KANK1: variants seen among roughly 807,000 people sequenced by gnomAD.
The protein encoded by KANK1 is KN motif and ankyrin repeat domains 1, also known as KN motif and ankyrin repeat domain-containing protein 1.
A neutral mutation model predicts 106.2 loss-of-function variants in KANK1; 109 were observed. The ratio of observed to expected loss-of-function variants is 1.03; its 90% CI spans 0.88 to 1.20. The LOEUF is 1.20. Ranked by LOEUF, KANK1 falls within the 50% of genes most tolerant of loss-of-function variation. The pLI, the probability that KANK1 is intolerant of heterozygous loss-of-function variation, is 0.00. For synonymous variants in KANK1, 873 were observed against 652.2 expected, an observed-to-expected ratio of 1.34 and a Z score of -5.16; for missense variants, 2,399 against 1,710.7, an observed-to-expected ratio of 1.40 and a Z score of -7.10.
At chr9:642,892 C>T (rs945810674) in intron 1 of KANK1, among the ~76,000 whole-genome samples, 5 of 149,762 alleles carry the variant, frequency 3.3e-5, no homozygotes, top group Non-Finnish European at 7.4e-5. Context: ...AAGCCAGTGT[C>T]GAAGTAATGG....
intron 1 of KANK1, among the ~76,000 whole-genome samples, chr9:542,005 C>T (rs1298151062): frequency 4.0e-5 from 6 of 151,376 alleles, no homozygotes; most frequent in South Asian, 2.1e-4. Flanking sequence ...AGGAGAATGG[C>T]GTGAACCCGG....
chr9:512,157 A>C (rs974429259), intron 1 of KANK1, among the ~76,000 whole-genome samples: 1 of 152,166 alleles, frequency 6.6e-6, no homozygotes, highest in African/African-American at 2.4e-5. Context: ...TGGTGGCTCC[A>C]GGTAGTTGAA....
At chr9:497,431 C>G (rs2058473651) in intron 3 of KANK1, among the ~76,000 whole-genome samples, 1 of 96,104 alleles carries the variant, frequency 1.0e-5, no homozygotes, top group African/African-American at 1.3e-4. Context: ...TGTGACTCTT[C>G]ACACACACAC....
chr9:742,285 TGTC>T lies in KANK1; in HGVS notation c.3778_3780del (p.Val1260del). The T allele has an allele frequency of 1.2e-6, 2 of 1,614,202 alleles. No individual in the cohort carries two copies. The highest frequency in any genetic ancestry group is 1.7e-6 in the Non-Finnish European group (2 of 1,180,034). On this transcript the variant is annotated inframe_deletion, in exon 10 of 12. Coordinates refer to ENST00000382297, the MANE Select transcript of KANK1 (RefSeq NM_015158.5). The stretch of plus-strand genomic sequence containing the variant: ...AGGGCCTTCTGGCCTGTGGGGCTGA[TGTC>T]AACATCCAGGATGACGAGGGCTCCA...
chr9:624,703 GCAGGAGAATC>G (rs1175271821), intron 1 of KANK1, among the ~76,000 whole-genome samples: 3 of 152,150 alleles, frequency 2.0e-5, no homozygotes, highest in Non-Finnish European at 4.4e-5. Flanking sequence ...GGAGGCTGAG[GCAGGAGAATC>G]ACTTGAACCT....
At chr9:490,986 G>T (rs542106696) in intron 3 of KANK1, among the ~76,000 whole-genome samples, 48 of 147,564 alleles carry the variant, frequency 3.3e-4, no homozygotes, top group African/African-American at 1.2e-3. Flanking sequence ...TTGAGACAGG[G>T]TCTCATTCTG....
intron 1 of KANK1, among the ~76,000 whole-genome samples, chr9:650,760 A>G (rs1386002459): frequency 6.6e-6 from 1 of 152,078 alleles, no homozygotes; most frequent in Non-Finnish European, 1.5e-5. Flanking sequence ...AGGTATCCCT[A>G]ACAGAGGCCC....
At chr9:665,194 G>A (rs1047882297) in intron 1 of KANK1, among the ~76,000 whole-genome samples, 3 of 152,040 alleles carry the variant, frequency 2.0e-5, no homozygotes, top group Admixed American at 6.6e-5. Flanking sequence ...GTCCATTTTC[G>A]TTTTTGTTGC....
At chr9:577,034 C>G (rs536985798) in intron 1 of KANK1, among the ~76,000 whole-genome samples, 2 of 152,238 alleles carry the variant, frequency 1.3e-5, no homozygotes, top group East Asian at 3.9e-4. Context: ...GGTTCATGGC[C>G]TCGCTGACTT....
At chr9:544,468 G>A (rs2060807191) in intron 1 of KANK1, among the ~76,000 whole-genome samples, 1 of 152,108 alleles carries the variant, frequency 6.6e-6, no homozygotes, top group African/African-American at 2.4e-5. Context: ...TATTGCTGAT[G>A]AGCCATAACA....
intron 8 of KANK1, among the ~76,000 whole-genome samples, chr9:739,013 C>T (rs898916844): frequency 4.6e-5 from 7 of 152,202 alleles, no homozygotes; most frequent in African/African-American, 1.4e-4. Context: ...TCACCATTCT[C>T]ACCAAAATAT....
rs1315316609 is a variant in KANK1, at chr9:598,513, A to G, written c.-83-78377A>G. On this transcript the variant is annotated intron_variant, in intron 1 of 11. Transcript: ENST00000382297. ...ATGAATATAGGATGTATTTCCATTT[A>G]TTTAGGTCTTATTCTTCAGCAGTGT... Among the ~76,000 whole-genome samples the G allele has an allele frequency of 2.8e-5, 4 of 140,980 alleles. No individual in the cohort carries two copies. The Admixed American group carries it at 2.8e-4, about 10-fold the overall frequency. The allele number at this position is 140,980 out of a possible 152,430, so 92.5% of individuals were successfully genotyped here.
chr9:521,069 G>A (rs1204460012), intron 1 of KANK1, among the ~76,000 whole-genome samples: 2 of 151,772 alleles, frequency 1.3e-5, no homozygotes, highest in Non-Finnish European at 2.9e-5. Flanking sequence ...TTTCAAAAAT[G>A]AAACTGATGA....
At chr9:700,592 G>T (rs750150329) in intron 2 of KANK1, among the ~76,000 whole-genome samples, 17 of 152,144 alleles carry the variant, frequency 1.1e-4, no homozygotes, top group African/African-American at 4.1e-4. Context: ...TGAACAGCAG[G>T]ATGCTTACAC....
At chr9:598,860 G>C (rs1192787037) in intron 1 of KANK1, among the ~76,000 whole-genome samples, 1 of 149,822 alleles carries the variant, frequency 6.7e-6, no homozygotes, top group South Asian at 2.1e-4. Context: ...TCGGACTCCT[G>C]ACCTCAGGTG....
chr9:575,538 G>A (rs1328387899), intron 1 of KANK1, among the ~76,000 whole-genome samples: 1 of 149,762 alleles, frequency 6.7e-6, no homozygotes, highest in Non-Finnish European at 1.5e-5. Flanking sequence ...CAGGAATGGT[G>A]ATGCACACCT....
At chr9:583,631 A>G (rs1291469008) in intron 1 of KANK1, among the ~76,000 whole-genome samples, 1 of 151,564 alleles carries the variant, frequency 6.6e-6, no homozygotes, top group Non-Finnish European at 1.5e-5. Flanking sequence ...CAAAAGTTTC[A>G]ATAAATATAC....
At position 710,855 on chromosome 9, in the gene KANK1, C is replaced by T; in HGVS notation, c.89C>T (p.Pro30Leu). 1 of 1,613,224 alleles carries T rather than the reference C, an allele frequency of 6.2e-7. No individual in the cohort carries two copies. The highest frequency in any genetic ancestry group is 8.5e-7 in the Non-Finnish European group (1 of 1,179,590). Residue 30 changes from proline to leucine, a missense_variant, in exon 3 of 12, where the codon CCT (proline) becomes CTT (leucine). Physicochemically the swap from Pro to Leu is moderately conservative, Grantham distance 98. Coordinates refer to ENST00000382297, the MANE Select transcript of KANK1 (RefSeq NM_015158.5). ...SGDQDKEQKD[P>L]YFVETPYGYQ... ...GACCAGGACAAGGAACAGAAAGACCCTTACTTTGTGGAGACCCCCTATGGT... is the reference window on the plus strand; with the variant it reads ...GACCAGGACAAGGAACAGAAAGACCTTTACTTTGTGGAGACCCCCTATGGT...
chr9:472,438 TCAGGACCCAGTTGCTGACC>T (rs1291691846), intron 2 of KANK1, among the ~76,000 whole-genome samples: 2 of 152,126 alleles, frequency 1.3e-5, no homozygotes, highest in African/African-American at 4.8e-5. Flanking sequence ...AAGAGCTCTC[TCAGGACCCAGTTGCTGACC>T]CAGTTGCTGC....
Sources: gnomAD v4.1 joint callset for allele counts (sites outside exome capture counted in the v4.1 genomes callset) on GRCh38, gnomAD v4.1.1 for gene constraint, MANE v1.5 for transcripts, NCBI Gene and HGNC (gene_info 2026-07-23, HGNC 2026-07-21) for gene names.